RAP1A: variants seen among roughly 807,000 people sequenced by gnomAD.
RAP1A encodes RAP1A, member of RAS oncogene family, also known as ras-related protein Rap-1A.
RAP1A carries 6 observed loss-of-function variants against 26.4 expected under a neutral mutation model. That is an observed-to-expected ratio of 0.23 (90% CI 0.12 to 0.45). The LOEUF (loss-of-function observed/expected upper bound fraction) is 0.45, where lower values mean the gene tolerates loss of function less well. RAP1A is among the 20% of genes least tolerant of loss of function. RAP1A has a pLI of 0.99. For missense variants in RAP1A, 121 were observed against 217.2 expected (o/e 0.56, Z 2.78); for synonymous variants, 73 against 79.4 (o/e 0.92, Z 0.43).
intron 1 of RAP1A, among the ~76,000 whole-genome samples, chr1:111,629,117 C>T (rs1016458891): frequency 1.3e-5 from 2 of 152,022 alleles, no homozygotes; most frequent in Non-Finnish European, 2.9e-5. Flanking sequence ...TTTAAAAAAA[C>T]CAGTCGTGTG....
At chr1:111,705,428 T>C (rs1349933966) in intron 6 of RAP1A, among the ~76,000 whole-genome samples, 2 of 152,182 alleles carry the variant, frequency 1.3e-5, no homozygotes, top group African/African-American at 4.8e-5. Flanking sequence ...AATATTATGC[T>C]TATAGACTAT....
intron 1 of RAP1A, among the ~76,000 whole-genome samples, chr1:111,626,477 CAG>C (rs1659404968): frequency 6.6e-6 from 1 of 151,944 alleles, no homozygotes; most frequent in South Asian, 2.1e-4. Context: ...TGTTTAACGT[CAG>C]AAGTTGTTTT....
chr1:111,585,103 C>T (rs1167811553), intron 1 of RAP1A, among the ~76,000 whole-genome samples: 2 of 152,188 alleles, frequency 1.3e-5, no homozygotes, highest in Admixed American at 1.3e-4. Context: ...ATCGTGGCTT[C>T]ATCAATTGGA....
intron 4 of RAP1A, among the ~76,000 whole-genome samples, chr1:111,699,956 A>G (rs539754383): frequency 6.6e-6 from 1 of 152,296 alleles, no homozygotes; most frequent in African/African-American, 2.4e-5. Flanking sequence ...GACTCAGTTT[A>G]TCATTGCTTT....
intron 1 of RAP1A, among the ~76,000 whole-genome samples, chr1:111,601,131 C>T (rs891060053): frequency 2.0e-5 from 3 of 152,208 alleles, no homozygotes; most frequent in African/African-American, 7.2e-5. Context: ...TATATTTAGA[C>T]CATGTAAGAA....
chr1:111,681,703 A>G (rs578256394), intron 1 of RAP1A, among the ~76,000 whole-genome samples: 4 of 152,352 alleles, frequency 2.6e-5, no homozygotes, highest in Non-Finnish European at 4.4e-5. Flanking sequence ...GGACTATGTG[A>G]AAAGACCAAA....
intron 1 of RAP1A, among the ~76,000 whole-genome samples, chr1:111,548,063 C>T (rs1368579884): frequency 6.6e-6 from 1 of 152,202 alleles, no homozygotes; most frequent in Non-Finnish European, 1.5e-5. Context: ...CTCTGTTGCC[C>T]AGGCTGGTGT....
intron 6 of RAP1A, among the ~76,000 whole-genome samples, 180 bp downstream of exon 6, chr1:111,704,666 G>A (rs780220249): frequency 6.6e-6 from 1 of 152,120 alleles, no homozygotes; most frequent in Non-Finnish European, 1.5e-5. Context: ...CACTTTGATG[G>A]CTGTATGAGG....
intron 1 of RAP1A, among the ~76,000 whole-genome samples, chr1:111,656,786 GT>G (rs762574019): frequency 1.3e-4 from 19 of 144,616 alleles, no homozygotes; most frequent in South Asian, 6.6e-4. Flanking sequence ...TGCTCTGATT[GT>G]TTTTTTTTTG....
At chr1:111,548,252 C>T (rs903549127) in intron 1 of RAP1A, among the ~76,000 whole-genome samples, 1 of 152,204 alleles carries the variant, frequency 6.6e-6, no homozygotes, top group Non-Finnish European at 1.5e-5. Flanking sequence ...AACTCCTGGC[C>T]TCAAGCGACC....
chr1:111,556,590 A>G (rs1267222584), intron 1 of RAP1A, among the ~76,000 whole-genome samples: 2 of 152,210 alleles, frequency 1.3e-5, no homozygotes, highest in East Asian at 3.8e-4. Context: ...GGAAATTCCA[A>G]CACAAGCTAC....
intron 1 of RAP1A, among the ~76,000 whole-genome samples, chr1:111,562,672 G>T (rs1476828700): frequency 6.6e-6 from 1 of 152,178 alleles, no homozygotes; most frequent in African/African-American, 2.4e-5. Context: ...TGTTTCAAAT[G>T]AAAGTAATCC....
chr1:111,563,727 A>G, intron 1 of RAP1A: 3 of 726,240 alleles, frequency 4.1e-6, no homozygotes, highest in Non-Finnish European at 7.3e-6. Context: ...ACACGCTAGG[A>G]CAAAGCATTG....
At chr1:111,551,070 T>C (rs1322979516) in intron 1 of RAP1A, among the ~76,000 whole-genome samples, 1 of 152,384 alleles carries the variant, frequency 6.6e-6, no homozygotes, top group Middle Eastern at 3.4e-3. Flanking sequence ...TTTTTGCTAC[T>C]GTTTGCAGGA....
intron 1 of RAP1A, among the ~76,000 whole-genome samples, chr1:111,549,278 G>C (rs1448664089): frequency 1.3e-5 from 2 of 148,784 alleles, no homozygotes; most frequent in Admixed American, 1.3e-4. Context: ...AAATTTGGCA[G>C]AATTTATCAG....
intron 1 of RAP1A, among the ~76,000 whole-genome samples, chr1:111,689,536 T>C (rs1399893521): frequency 6.8e-6 from 1 of 147,890 alleles, no homozygotes; most frequent in African/African-American, 2.5e-5. Flanking sequence ...TCTTATTATA[T>C]GTGTGCCATT....
intron 1 of RAP1A, among the ~76,000 whole-genome samples, chr1:111,681,178 G>A (rs903593437): frequency 1.3e-5 from 2 of 152,196 alleles, no homozygotes; most frequent in African/African-American, 4.8e-5. Flanking sequence ...ACTCAAGGAG[G>A]CGGAGGTTGC....
intron 1 of RAP1A, among the ~76,000 whole-genome samples, chr1:111,660,714 C>T (rs115893888): frequency 2.0e-5 from 3 of 152,316 alleles, no homozygotes; most frequent in Non-Finnish European, 4.4e-5. Context: ...TGGCTTCCCA[C>T]GCATACCAAG....
chr1:111,636,199 C>G (rs954650376), intron 1 of RAP1A, among the ~76,000 whole-genome samples: 3 of 152,104 alleles, frequency 2.0e-5, no homozygotes, highest in African/African-American at 7.2e-5. Context: ...TATTACCCAA[C>G]AGTGACGTGA....
Sources: gnomAD v4.1 joint callset for allele counts (sites outside exome capture counted in the v4.1 genomes callset) on GRCh38, gnomAD v4.1.1 for gene constraint, MANE v1.5 for transcripts, NCBI Gene and HGNC (gene_info 2026-07-23, HGNC 2026-07-21) for gene names.